The following TACR1 variants were observed in gnomAD, a reference collection of about 807,000 sequenced individuals.
The protein encoded by TACR1 is tachykinin receptor 1, also known as substance-P receptor.
TACR1 carries 25 observed loss-of-function variants against 35.8 expected under a neutral mutation model. The ratio of observed to expected loss-of-function variants is 0.70; its 90% CI spans 0.51 to 0.98. The LOEUF (loss-of-function observed/expected upper bound fraction) is 0.98, where lower values mean the gene tolerates loss of function less well. TACR1 is among the 50% of genes least tolerant of loss of function. The probability of loss-of-function intolerance (pLI) is 0.00; values close to 1 mark genes in which losing one functional copy is unlikely to be tolerated. For synonymous variants in TACR1, 195 were observed against 206.7 expected (o/e 0.94, Z 0.48); for missense variants, 478 against 522.9 (o/e 0.91, Z 0.84).
intron 2 of TACR1, among the ~76,000 whole-genome samples, chr2:75,084,612 A>C: frequency 6.6e-6 from 1 of 152,076 alleles, no homozygotes; most frequent in East Asian, 1.9e-4. Flanking sequence ...AGAGCCTGTT[A>C]TTGGTCTATT....
At chr2:75,062,173 C>T (rs1281195424) in intron 2 of TACR1, among the ~76,000 whole-genome samples, 1 of 152,116 alleles carries the variant, frequency 6.6e-6, no homozygotes, top group East Asian at 1.9e-4. Context: ...GAATGAGAGC[C>T]TTCAGGCAAA....
intron 1 of TACR1, among the ~76,000 whole-genome samples, chr2:75,141,819 A>T (rs1674413949): frequency 6.6e-6 from 1 of 152,102 alleles, no homozygotes; most frequent in Non-Finnish European, 1.5e-5. Flanking sequence ...TGTTTTTCAT[A>T]CCTGGGACTG....
At chr2:75,163,582 G>A (rs1347083835) in intron 1 of TACR1, among the ~76,000 whole-genome samples, 1 of 152,168 alleles carries the variant, frequency 6.6e-6, no homozygotes, top group Non-Finnish European at 1.5e-5. Flanking sequence ...TGAGAAAAAA[G>A]TTGAAATAGA....
intron 2 of TACR1, among the ~76,000 whole-genome samples, chr2:75,088,891 A>C (rs140917335): frequency 2.6e-5 from 4 of 151,960 alleles, no homozygotes; most frequent in African/African-American, 9.7e-5. Flanking sequence ...CCCACAGCTC[A>C]TCTGCTTTAG....
chr2:75,117,996 T>G (rs541542902), intron 2 of TACR1, among the ~76,000 whole-genome samples: 7 of 152,326 alleles, frequency 4.6e-5, no homozygotes, highest in African/African-American at 1.7e-4. Context: ...TGCTTGACCA[T>G]TATGACTCAG....
At chr2:75,128,102 C>T (rs1572945899) in intron 1 of TACR1, among the ~76,000 whole-genome samples, 1 of 152,164 alleles carries the variant, frequency 6.6e-6, no homozygotes, top group African/African-American at 2.4e-5. Context: ...ACCAAAGAGC[C>T]TTACACAACT....
At chr2:75,135,423 C>T (rs1393084347) in intron 1 of TACR1, among the ~76,000 whole-genome samples, 2 of 152,178 alleles carry the variant, frequency 1.3e-5, no homozygotes, top group African/African-American at 4.8e-5. Flanking sequence ...TTCCAGAGGC[C>T]ATGTGGTCTC....
intron 1 of TACR1, among the ~76,000 whole-genome samples, chr2:75,152,434 T>C (rs930788986): frequency 6.6e-6 from 1 of 152,222 alleles, no homozygotes; most frequent in African/African-American, 2.4e-5. Context: ...CTGCTTTTGC[T>C]TCTTCCTCAT....
chr2:75,094,107 G>A (rs1673365198), intron 2 of TACR1, among the ~76,000 whole-genome samples: 1 of 152,178 alleles, frequency 6.6e-6, no homozygotes, highest in Admixed American at 6.5e-5. Flanking sequence ...CATGCAAATA[G>A]CTCTTGAAAA....
chr2:75,189,489 G>A (rs1447705517), intron 1 of TACR1: 1 of 152,178 alleles, frequency 6.6e-6, no homozygotes, highest in Non-Finnish European at 1.5e-5. Flanking sequence ...TGCTTTGTAT[G>A]TGATTTGCTT....
chr2:75,136,878 G>C (rs1674303167), intron 1 of TACR1, among the ~76,000 whole-genome samples: 1 of 152,226 alleles, frequency 6.6e-6, no homozygotes, highest in African/African-American at 2.4e-5. Context: ...ATCACAGACA[G>C]CTGGGGGTGG....
intron 2 of TACR1, among the ~76,000 whole-genome samples, chr2:75,077,362 C>T (rs566972405): frequency 3.9e-4 from 59 of 152,298 alleles, no homozygotes; most frequent in African/African-American, 1.3e-3. Flanking sequence ...AAACTAAGGA[C>T]TGCACTGTTT....
intron 2 of TACR1, among the ~76,000 whole-genome samples, chr2:75,059,643 TC>T (rs1235458851): frequency 1.3e-5 from 2 of 152,214 alleles, no homozygotes; most frequent in East Asian, 3.8e-4. Context: ...AAACCTGTGG[TC>T]ACGTAGCTTT....
chr2:75,055,604 C>T (rs772017789), intron 2 of TACR1, among the ~76,000 whole-genome samples: 11 of 152,242 alleles, frequency 7.2e-5, no homozygotes, highest in Non-Finnish European at 1.3e-4. Flanking sequence ...AGCCCTGCCT[C>T]ATGCAGACTA....
chr2:75,056,021 C>A (rs1211682664), intron 2 of TACR1, among the ~76,000 whole-genome samples: 1 of 152,192 alleles, frequency 6.6e-6, no homozygotes, highest in African/African-American at 2.4e-5. Context: ...ATTCAATTGA[C>A]TTGAGGTTGG....
chr2:75,198,047 G>A (rs1477948102), intron 1 of TACR1, among the ~76,000 whole-genome samples: 1 of 152,118 alleles, frequency 6.6e-6, no homozygotes, highest in Non-Finnish European at 1.5e-5. Context: ...ACAAACTGGA[G>A]AGTTGCAGTG....
chr2:75,063,669 A>T (rs1205526998), intron 2 of TACR1, among the ~76,000 whole-genome samples: 1 of 152,142 alleles, frequency 6.6e-6, no homozygotes, highest in Non-Finnish European at 1.5e-5. Context: ...TACTGGTGTC[A>T]GCTCTGCACC....
intron 2 of TACR1, among the ~76,000 whole-genome samples, chr2:75,063,113 G>A (rs949515545): frequency 2.6e-5 from 4 of 152,162 alleles, no homozygotes; most frequent in Admixed American, 6.5e-5. Context: ...TCACTATCAC[G>A]AGAACAGCAT....
intron 1 of TACR1, among the ~76,000 whole-genome samples, chr2:75,159,076 T>G (rs556723888): frequency 1.3e-5 from 2 of 152,022 alleles, no homozygotes; most frequent in Non-Finnish European, 2.9e-5. Flanking sequence ...TTTAGAGAGA[T>G]AAACAATGTA....
Sources: allele counts gnomAD v4.1 joint callset (sites outside exome capture counted in the v4.1 genomes callset), GRCh38; gene constraint gnomAD v4.1.1; transcripts MANE v1.5; gene names NCBI Gene and HGNC (gene_info 2026-07-23, HGNC 2026-07-21).